Variants in GULP1 observed in about 807,000 individuals in gnomAD.
GULP1 encodes PTB domain-containing engulfment adapter protein 1.
A neutral mutation model predicts 40.9 loss-of-function variants in GULP1; 19 were observed. The ratio of observed to expected loss-of-function variants is 0.46; its 90% CI spans 0.32 to 0.68. The LOEUF (loss-of-function observed/expected upper bound fraction) is 0.68, where lower values mean the gene tolerates loss of function less well. Among genes scored for constraint, GULP1 ranks in the 30% least tolerant of loss-of-function variants. The pLI is 0.03. For missense variants in GULP1, 312 were observed against 362.2 expected (o/e 0.86, Z 1.12); for synonymous variants, 119 against 117.6 (o/e 1.01, Z -0.08).
intron 2 of GULP1, among the ~76,000 whole-genome samples, chr2:188,400,446 G>C (rs1262627535): frequency 6.6e-6 from 1 of 152,156 alleles, no homozygotes; most frequent in Non-Finnish European, 1.5e-5. Context: ...ACATTGTTCT[G>C]TTGGTGTTCC....
chr2:188,341,955 T>C (rs961873512), intron 1 of GULP1, among the ~76,000 whole-genome samples: 7 of 152,218 alleles, frequency 4.6e-5, no homozygotes, highest in Non-Finnish European at 1.0e-4. Flanking sequence ...GGCACTTAAC[T>C]TTTTTTGTTT....
intron 1 of GULP1, among the ~76,000 whole-genome samples, chr2:188,339,141 T>C (rs2042656546): frequency 6.6e-6 from 1 of 152,176 alleles, no homozygotes; most frequent in African/African-American, 2.4e-5. Context: ...GGTACTCTTA[T>C]TTTTCTTGTT....
intron 2 of GULP1, among the ~76,000 whole-genome samples, chr2:188,389,278 T>G (rs1474306631): frequency 6.6e-6 from 1 of 152,222 alleles, no homozygotes; most frequent in African/African-American, 2.4e-5. Context: ...TCATTGCAAT[T>G]CCTTATTGAG....
intron 4 of GULP1, among the ~76,000 whole-genome samples, chr2:188,503,813 A>G (rs973296818): frequency 6.6e-6 from 1 of 151,968 alleles, no homozygotes; most frequent in African/African-American, 2.4e-5. Flanking sequence ...TTAATACCAT[A>G]TGAATCCCTG....
chr2:188,299,505 A>T (rs1412727492), intron 1 of GULP1, among the ~76,000 whole-genome samples: 2 of 152,200 alleles, frequency 1.3e-5, no homozygotes, highest in African/African-American at 4.8e-5. Flanking sequence ...ATACATTTGA[A>T]GTCTTTCCCC....
At chr2:188,567,639 G>T (rs1046987682) in intron 7 of GULP1, among the ~76,000 whole-genome samples, 2 of 152,102 alleles carry the variant, frequency 1.3e-5, no homozygotes, top group Admixed American at 6.5e-5. Context: ...GACCCATTAG[G>T]GGGTGGGAGG....
chr2:188,486,619 A>C (rs961776340), intron 4 of GULP1, among the ~76,000 whole-genome samples: 1 of 151,812 alleles, frequency 6.6e-6, no homozygotes, highest in Non-Finnish European at 1.5e-5. Flanking sequence ...ACATTCTTTC[A>C]ATTTATGGAA....
At chr2:188,447,383 T>G (rs776301442) in intron 2 of GULP1, among the ~76,000 whole-genome samples, 13 of 152,152 alleles carry the variant, frequency 8.5e-5, no homozygotes, top group Admixed American at 3.9e-4. Context: ...AAATTTGGAT[T>G]GCCCTGGCCG....
intron 2 of GULP1, among the ~76,000 whole-genome samples, chr2:188,431,851 GT>G (rs1242893849): frequency 1.3e-5 from 2 of 151,618 alleles, no homozygotes; most frequent in African/African-American, 4.8e-5. Flanking sequence ...AATATCTGTA[GT>G]TTCTTCACAA....
chr2:188,349,646 A>T (rs2044177247), intron 1 of GULP1, among the ~76,000 whole-genome samples: 1 of 152,152 alleles, frequency 6.6e-6, no homozygotes, highest in African/African-American at 2.4e-5. Flanking sequence ...TATTTTCTGC[A>T]ATTCTGTGGA....
At chr2:188,483,348 T>A in intron 3 of GULP1, 83 bp from the exon 4 acceptor site, 1 of 621,282 alleles carries the variant, frequency 1.6e-6, no homozygotes, top group East Asian at 2.8e-5. Flanking sequence ...ATACTCTGTG[T>A]CCTAAATTAC....
chr2:188,303,831 A>T (rs762209079), intron 1 of GULP1, among the ~76,000 whole-genome samples: 6 of 152,200 alleles, frequency 3.9e-5, no homozygotes, highest in Non-Finnish European at 8.8e-5. Flanking sequence ...TTATGAGATC[A>T]TGACCTTCAT....
At chr2:188,319,326 G>A (rs902976670) in intron 1 of GULP1, among the ~76,000 whole-genome samples, 1 of 152,018 alleles carries the variant, frequency 6.6e-6, no homozygotes, top group Admixed American at 6.6e-5. Context: ...TTACACCCAC[G>A]TCCCTCAGAG....
At chr2:188,299,110 G>C (rs1039456121) in intron 1 of GULP1, among the ~76,000 whole-genome samples, 2 of 151,972 alleles carry the variant, frequency 1.3e-5, no homozygotes, top group Non-Finnish European at 2.9e-5. Context: ...GGGGTGAGAA[G>C]CTTTGGTGGG....
At chr2:188,422,445 A>G (rs1435435460) in intron 2 of GULP1, among the ~76,000 whole-genome samples, 2 of 151,386 alleles carry the variant, frequency 1.3e-5, no homozygotes, top group African/African-American at 4.8e-5. Flanking sequence ...TATCTCTGAA[A>G]CTAAATATAG....
intron 7 of GULP1, among the ~76,000 whole-genome samples, chr2:188,561,584 G>C (rs905486133): frequency 9.9e-5 from 15 of 152,078 alleles, no homozygotes; most frequent in African/African-American, 3.6e-4. Flanking sequence ...TAAGTCCTGG[G>C]GTCTGTGCTG....
intron 4 of GULP1, among the ~76,000 whole-genome samples, chr2:188,500,005 A>T (rs1369013140): frequency 6.6e-6 from 1 of 151,866 alleles, no homozygotes; most frequent in Non-Finnish European, 1.5e-5. Context: ...ATCCTAATAC[A>T]GACAATCATT....
At chr2:188,408,643 T>A (rs990303783) in intron 2 of GULP1, among the ~76,000 whole-genome samples, 2 of 152,152 alleles carry the variant, frequency 1.3e-5, no homozygotes, top group Non-Finnish European at 2.9e-5. Flanking sequence ...AACATTGGAC[T>A]TGAACTTCTG....
chr2:188,324,628 A>G (rs1398055686), intron 1 of GULP1, among the ~76,000 whole-genome samples: 1 of 151,954 alleles, frequency 6.6e-6, no homozygotes, highest in African/African-American at 2.4e-5. Flanking sequence ...ATATTAAATA[A>G]ATTAAATATC....
Sources: allele counts gnomAD v4.1 joint callset (sites outside exome capture counted in the v4.1 genomes callset), GRCh38; gene constraint gnomAD v4.1.1; transcripts MANE v1.5; gene names NCBI Gene and HGNC (gene_info 2026-07-23, HGNC 2026-07-21).